PTPN12: variants seen among roughly 807,000 people sequenced by gnomAD.
PTPN12 encodes protein tyrosine phosphatase non-receptor type 12, also known as tyrosine-protein phosphatase non-receptor type 12.
In PTPN12, 29 loss-of-function variants were observed where a neutral mutation model predicts 97.6. The ratio of observed to expected loss-of-function variants is 0.30; its 90% confidence interval spans 0.22 to 0.41. PTPN12 has a LOEUF of 0.41. Ranked by LOEUF, PTPN12 falls within the 10% of genes least tolerant of loss-of-function variation. The pLI is 1.00. For missense variants in PTPN12, 819 were observed against 926.0 expected (o/e 0.88, Z 1.50); for synonymous variants, 327 against 300.4 (o/e 1.09, Z -0.91).
chr7:77,596,119 G>A (rs541847925), intron 6 of PTPN12, among the ~76,000 whole-genome samples: 1 of 152,200 alleles, frequency 6.6e-6, no homozygotes, highest in Admixed American at 6.5e-5. Flanking sequence ...GATTCTGGGG[G>A]TGGTTACTAC....
At chr7:77,600,840 T>C (rs761296655) in intron 8 of PTPN12, 34 bp downstream of exon 8, 1 of 1,515,930 alleles carries the variant, frequency 6.6e-7, no homozygotes, top group Non-Finnish European at 9.0e-7. Context: ...ATAAATACAT[T>C]ATTTAAGTTT....
At chr7:77,615,625 C>T (rs1345163081) in intron 11 of PTPN12, among the ~76,000 whole-genome samples, 1 of 152,104 alleles carries the variant, frequency 6.6e-6, no homozygotes, top group East Asian at 1.9e-4. Flanking sequence ...GTAGCACGTG[C>T]CTGTAGTCCT....
chr7:77,621,071 A>G (rs188647408), intron 12 of PTPN12, among the ~76,000 whole-genome samples: 1 of 151,216 alleles, frequency 6.6e-6, no homozygotes, highest in Non-Finnish European at 1.5e-5. Context: ...TATATATATA[A>G]AAATATGTGT....
Position 77,625,468 on chromosome 7 carries a change from G to GCGCTCTCTCTCTCTCTCTCTCT in PTPN12, c.1026-1236_1026-1235insGCTCTCTCTCTCTCTCTCTCTC, listed in dbSNP as rs1218191468. Among the ~76,000 whole-genome samples, 7 of 24,754 alleles carry GCGCTCTCTCTCTCTCTCTCTCT rather than the reference G, an allele frequency of 2.8e-4. 2 individuals are homozygous for GCGCTCTCTCTCTCTCTCTCTCT. Among genetic ancestry groups the GCGCTCTCTCTCTCTCTCTCTCT allele is most frequent in the Non-Finnish European group, 4.5e-4 (7 of 15,576 alleles). The allele number at this position is 24,754 out of a possible 152,430, so 16.2% of individuals were successfully genotyped here. ...AGGGTTTTGCCATATTGCCCAGGCTGCTCGCTCTCTCTCTCTCTCTCTCTC... is the reference window on the plus strand; with the variant it reads ...AGGGTTTTGCCATATTGCCCAGGCTGCGCTCTCTCTCTCTCTCTCTCTCTCGCTCTCTCTCTCTCTCTCTCTC... On this transcript the variant is annotated intron_variant, in intron 12 of 17. Coordinates refer to ENST00000248594, the MANE Select transcript of PTPN12 (RefSeq NM_002835.4).
Position 77,537,443 on chromosome 7 carries a change from G to T in PTPN12, c.-104G>T. 2.2e-6 allele frequency: 3 copies of T among 1,395,280 alleles called. No homozygotes were observed. Among genetic ancestry groups the T allele is most frequent in the Non-Finnish European group, 9.4e-7 (1 of 1,067,546 alleles). The allele number at this position is 1,395,280 out of a possible 1,614,324, so 86.4% of individuals were successfully genotyped here. A position where few individuals can be genotyped will look rare whatever the true frequency, so the allele number is the denominator to read the frequency against. On this transcript the variant is annotated 5_prime_UTR_variant, in exon 1 of 18. Coordinates refer to ENST00000248594, the MANE Select transcript of PTPN12 (RefSeq NM_002835.4). ...CGCGGGGCTTGGCGGGGTCGGGAGG[G>T]AGGGACGTGCTGGGGGAACGAGCTG...
intron 1 of PTPN12, among the ~76,000 whole-genome samples, chr7:77,547,687 C>G (rs1807287649): frequency 6.6e-6 from 1 of 152,088 alleles, no homozygotes; most frequent in Non-Finnish European, 1.5e-5. Flanking sequence ...GGAATATAAG[C>G]CAGAGAGACA....
intron 6 of PTPN12, among the ~76,000 whole-genome samples, chr7:77,596,529 G>A (rs1053933250): frequency 6.6e-6 from 1 of 152,120 alleles, no homozygotes; most frequent in Non-Finnish European, 1.5e-5. Flanking sequence ...ACCTACCTCA[G>A]CCTCCCAAGT....
intron 1 of PTPN12, among the ~76,000 whole-genome samples, chr7:77,539,378 CT>C (rs1260756359): frequency 6.6e-6 from 1 of 152,062 alleles, no homozygotes; most frequent in Non-Finnish European, 1.5e-5. Flanking sequence ...AACATTTGCT[CT>C]TGATATTTAG....
chr7:77,633,517 G>A (rs1258701438), intron 14 of PTPN12, among the ~76,000 whole-genome samples: 2 of 151,708 alleles, frequency 1.3e-5, no homozygotes, highest in African/African-American at 4.8e-5. Context: ...GCTGAGGCAG[G>A]AGAATCGCTT....
rs11341609 is a variant in PTPN12 at position 77,582,084 on chromosome 7, C to CTTTTTTTTTTTTTTTTTTTT, written c.285+590_285+609dup. On this transcript the variant is annotated intron_variant, in intron 3 of 17. Transcript: ENST00000248594. ...CCCTTTGATGAAAAGCAGTCAAGTTCTTTTTTTTTTTTTTTTTTTTTTTTT... is the reference window on the plus strand; with the variant it reads ...CCCTTTGATGAAAAGCAGTCAAGTTCTTTTTTTTTTTTTTTTTTTTTTTTTTTTTTTTTTTTTTTTTTTTT... 2.5e-4 allele frequency among the ~76,000 whole-genome samples: 13 copies of CTTTTTTTTTTTTTTTTTTTT among 52,868 alleles called. 1 individual carries two copies. The highest frequency in any genetic ancestry group is 2.6e-4 in the Non-Finnish European group (8 of 30,310). 34.7% of individuals were successfully genotyped at this position (52,868 alleles called of 152,430 possible).
intron 5 of PTPN12, among the ~76,000 whole-genome samples, chr7:77,587,858 T>G (rs1787742570): frequency 6.6e-6 from 1 of 152,198 alleles, no homozygotes; most frequent in African/African-American, 2.4e-5. Flanking sequence ...ATCTCGCACT[T>G]TTATGTTATG....
At chr7:77,558,948 A>G (rs951107361) in intron 1 of PTPN12, among the ~76,000 whole-genome samples, 3 of 152,214 alleles carry the variant, frequency 2.0e-5, no homozygotes, top group African/African-American at 4.8e-5. Flanking sequence ...CAGTAGTTCA[A>G]AGTTGCAGTG....
intron 1 of PTPN12, among the ~76,000 whole-genome samples, chr7:77,553,639 T>G (rs1807572888): frequency 6.6e-6 from 1 of 152,238 alleles, no homozygotes; most frequent in African/African-American, 2.4e-5. Context: ...ATATATTTTT[T>G]TCCATCCATT....
chr7:77,560,490 C>T (rs1029890951), intron 1 of PTPN12, among the ~76,000 whole-genome samples: 1 of 152,158 alleles, frequency 6.6e-6, no homozygotes, highest in Non-Finnish European at 1.5e-5. Flanking sequence ...CTCTAGAACT[C>T]TTCTCATCTT....
intron 1 of PTPN12, among the ~76,000 whole-genome samples, chr7:77,543,345 T>C (rs953053458): frequency 1.7e-4 from 3 of 17,620 alleles, no homozygotes; most frequent in South Asian, 5.0e-3. Context: ...TTCCACTGCC[T>C]TTTTTTTTTT....
chr7:77,590,150 G>A (rs1377289770), intron 5 of PTPN12, among the ~76,000 whole-genome samples: 1 of 152,184 alleles, frequency 6.6e-6, no homozygotes, highest in Non-Finnish European at 1.5e-5. Context: ...CATTTGAAAG[G>A]AAATAATACC....
At chr7:77,565,152 ACT>A (rs947386961) in intron 1 of PTPN12, among the ~76,000 whole-genome samples, 53 of 152,186 alleles carry the variant, frequency 3.5e-4, no homozygotes, top group African/African-American at 1.2e-3. Flanking sequence ...CAGCTTTGAT[ACT>A]TAATTTCTAT....
intron 1 of PTPN12, among the ~76,000 whole-genome samples, chr7:77,549,273 A>T (rs1248587977): frequency 6.6e-6 from 1 of 152,078 alleles, no homozygotes; most frequent in African/African-American, 2.4e-5. Flanking sequence ...TTGAAAAAAA[A>T]TTTACTATTT....
At chr7:77,601,565 A>G (rs2151360649) in intron 8 of PTPN12, among the ~76,000 whole-genome samples, 1 of 152,218 alleles carries the variant, frequency 6.6e-6, no homozygotes, top group South Asian at 2.1e-4. Flanking sequence ...GATCTAAGAT[A>G]TCATCAATTC....
Sources: allele counts gnomAD v4.1 joint callset (sites outside exome capture counted in the v4.1 genomes callset), GRCh38; gene constraint gnomAD v4.1.1; transcripts MANE v1.5; gene names NCBI Gene and HGNC (gene_info 2026-07-23, HGNC 2026-07-21).